SPAG16: variants seen among roughly 807,000 people sequenced by gnomAD.
SPAG16 encodes the protein sperm associated antigen 16.
In SPAG16, 86 loss-of-function variants were observed where a neutral mutation model predicts 80.4. The ratio of observed to expected loss-of-function variants is 1.07; its 90% CI spans 0.90 to 1.28. The LOEUF is 1.28. Among genes scored for constraint, SPAG16 ranks in the 50% most tolerant of loss-of-function variants. SPAG16 has a pLI of 0.00. For synonymous variants in SPAG16, 294 were observed against 265.9 expected, an observed-to-expected ratio of 1.11 and a Z score of -1.03; for missense variants, 870 against 765.3, an observed-to-expected ratio of 1.14 and a Z score of -1.61.
chr2:213,967,164 G>A (rs10932520), intron 12 of SPAG16, among the ~76,000 whole-genome samples: 49,795 of 151,896 alleles, frequency 0.33, 8,902 homozygotes, highest in South Asian at 0.47. Flanking sequence ...TATAGTTATT[G>A]TTATTTACAT....
chr2:213,573,224 A>T (rs1442023927), intron 10 of SPAG16, among the ~76,000 whole-genome samples: 1 of 151,842 alleles, frequency 6.6e-6, no homozygotes, highest in Non-Finnish European at 1.5e-5. Flanking sequence ...GGAGCTGTAG[A>T]CCGGAGCTGT....
intron 10 of SPAG16, among the ~76,000 whole-genome samples, chr2:213,833,566 A>T (rs976974985): frequency 0.03 from 336 of 11,360 alleles, 102 homozygotes; most frequent in Non-Finnish European, 0.039. Context: ...TAATATATAT[A>T]ATATATATAT....
chr2:213,616,666 C>A (rs144385703), intron 10 of SPAG16, among the ~76,000 whole-genome samples: 3 of 152,152 alleles, frequency 2.0e-5, no homozygotes, highest in African/African-American at 7.2e-5. Flanking sequence ...CTCAGTCTAA[C>A]GGCAGAGTTC....
intron 14 of SPAG16, among the ~76,000 whole-genome samples, chr2:214,147,364 CA>C (rs2055701905): frequency 6.6e-6 from 1 of 151,974 alleles, no homozygotes; most frequent in Non-Finnish European, 1.5e-5. Flanking sequence ...TTTTAATATT[CA>C]ATGGGATAAA....
At chr2:214,082,516 C>T (rs1308336638) in intron 13 of SPAG16, among the ~76,000 whole-genome samples, 3 of 152,080 alleles carry the variant, frequency 2.0e-5, no homozygotes, top group East Asian at 3.9e-4. Flanking sequence ...CTACTTCTGC[C>T]CTCTTCTCTT....
intron 7 of SPAG16, among the ~76,000 whole-genome samples, chr2:213,351,112 C>T (rs2065305192): frequency 1.3e-5 from 2 of 152,112 alleles, no homozygotes. Flanking sequence ...TACCACTGCA[C>T]TCTAGCCTAG....
At chr2:213,557,898 A>G (rs1433992327) in intron 10 of SPAG16, among the ~76,000 whole-genome samples, 1 of 152,206 alleles carries the variant, frequency 6.6e-6, no homozygotes, top group Non-Finnish European at 1.5e-5. Flanking sequence ...GCATAATCCT[A>G]TTCTTTCTAA....
chr2:214,351,843 A>C (rs77658628), intron 15 of SPAG16, among the ~76,000 whole-genome samples: 2 of 152,096 alleles, frequency 1.3e-5, no homozygotes, highest in Non-Finnish European at 2.9e-5. Context: ...ACACAAAAAA[A>C]ATATACTGTC....
chr2:213,459,502 T>G (rs2125606292), intron 9 of SPAG16, among the ~76,000 whole-genome samples: 1 of 152,318 alleles, frequency 6.6e-6, no homozygotes, highest in South Asian at 2.1e-4. Context: ...TACCTGTAGG[T>G]CAAGTCTATT....
At chr2:213,479,013 T>C (rs1489157092) in intron 9 of SPAG16, among the ~76,000 whole-genome samples, 1 of 151,974 alleles carries the variant, frequency 6.6e-6, no homozygotes, top group Non-Finnish European at 1.5e-5. Context: ...AATAAAAATT[T>C]ACTGTCAGCA....
chr2:213,557,636 T>A (rs1575965428), intron 10 of SPAG16, among the ~76,000 whole-genome samples: 1 of 152,098 alleles, frequency 6.6e-6, no homozygotes, highest in Non-Finnish European at 1.5e-5. Context: ...TAAAAAAAAT[T>A]GAGTTGAAGT....
chr2:213,494,043 A>T (rs1449556224), intron 10 of SPAG16, among the ~76,000 whole-genome samples: 1 of 151,994 alleles, frequency 6.6e-6, no homozygotes, highest in Admixed American at 6.6e-5. Context: ...TTCACCTCTG[A>T]CCACTCCTGC....
At chr2:214,272,776 G>A (rs1349460233) in intron 15 of SPAG16, among the ~76,000 whole-genome samples, 1 of 152,156 alleles carries the variant, frequency 6.6e-6, no homozygotes, top group Non-Finnish European at 1.5e-5. Context: ...CTTTACAGTA[G>A]CATGATTTAT....
At chr2:213,842,649 G>A (rs2074417675) in intron 10 of SPAG16, among the ~76,000 whole-genome samples, 2 of 152,140 alleles carry the variant, frequency 1.3e-5, no homozygotes, top group South Asian at 4.1e-4. Context: ...AATTACTAGT[G>A]TAATATGTTC....
Position 213,866,964 on chromosome 2 carries a change from A to G in SPAG16, c.1214+4336A>G, listed in dbSNP as rs1009582415. ...AATATAATGCAGACTATACAAACAG[A>G]AGGCATTTAAAAATTGCAAGTCTTC... On this transcript the variant is annotated intron_variant, in intron 11 of 15. Coordinates refer to ENST00000331683, the MANE Select transcript of SPAG16 (RefSeq NM_024532.5). Among the ~76,000 whole-genome samples, 8 of 151,736 alleles carry G rather than the reference A, an allele frequency of 5.3e-5. No individual in the cohort carries two copies. In the South Asian group the frequency reaches 1.3e-3, roughly 24 times the overall value.
intron 15 of SPAG16, among the ~76,000 whole-genome samples, chr2:214,341,910 CT>C (rs1263965104): frequency 1.1e-4 from 17 of 152,086 alleles, no homozygotes; most frequent in Admixed American, 9.8e-4. Context: ...GTTCCAAGGT[CT>C]AAGGGCTCTG....
chr2:214,096,690 G>C (rs536317788), intron 13 of SPAG16, among the ~76,000 whole-genome samples: 1 of 151,932 alleles, frequency 6.6e-6, no homozygotes, highest in Non-Finnish European at 1.5e-5. Context: ...AAGCAGATCC[G>C]CAGTAAAAAT....
At chr2:213,503,727 G>A (rs986538249) in intron 10 of SPAG16, among the ~76,000 whole-genome samples, 2 of 152,072 alleles carry the variant, frequency 1.3e-5, no homozygotes, top group Non-Finnish European at 2.9e-5. Flanking sequence ...AAGGAATAAA[G>A]GGAAATTGGT....
At chr2:214,276,775 T>G (rs1692498019) in intron 15 of SPAG16, among the ~76,000 whole-genome samples, 1 of 152,092 alleles carries the variant, frequency 6.6e-6, no homozygotes, top group Non-Finnish European at 1.5e-5. Context: ...TGTCTTGGGG[T>G]TGCTCTTCTT....
Sources: gnomAD v4.1 joint callset for allele counts (sites outside exome capture counted in the v4.1 genomes callset) on GRCh38, gnomAD v4.1.1 for gene constraint, MANE v1.5 for transcripts, NCBI Gene and HGNC (gene_info 2026-07-23, HGNC 2026-07-21) for gene names.